Variants in SETX observed in about 807,000 individuals in gnomAD.
The protein encoded by SETX is helicase senataxin.
A neutral mutation model predicts 227.2 loss-of-function variants in SETX; 90 were observed. The ratio of observed to expected loss-of-function variants is 0.40; its 90% CI spans 0.33 to 0.47. The LOEUF (loss-of-function observed/expected upper bound fraction) is 0.47. Ranked by LOEUF, SETX falls within the 20% of genes least tolerant of loss-of-function variation. The pLI is 0.91. For missense variants in SETX, 3,052 were observed against 3,181.5 expected, an observed-to-expected ratio of 0.96 and a Z score of 0.98; for synonymous variants, 1,210 against 1,113.2, an observed-to-expected ratio of 1.09 and a Z score of -1.73.
chr9:132,266,479 C>T (rs1020614302), intron 25 of SETX, among the ~76,000 whole-genome samples: 44 of 152,044 alleles, frequency 2.9e-4, no homozygotes, highest in African/African-American at 9.9e-4. Flanking sequence ...AGCATTAAAA[C>T]TTATGCACTG....
At chr9:132,345,360 G>A (rs752602551) in intron 4 of SETX, among the ~76,000 whole-genome samples, 2 of 152,166 alleles carry the variant, frequency 1.3e-5, no homozygotes, top group Non-Finnish European at 1.5e-5. Flanking sequence ...TGCAACCTCC[G>A]CCTTCCAGGT....
intron 10 of SETX, among the ~76,000 whole-genome samples, chr9:132,313,476 T>C (rs1845789447): frequency 6.6e-6 from 1 of 152,166 alleles, no homozygotes; most frequent in African/African-American, 2.4e-5. Context: ...CAAGCTACAA[T>C]GACCGATTAA....
chr9:132,331,599 C>T, intron 7 of SETX, 151 bp from the exon 8 acceptor site: 1 of 782,246 alleles, frequency 1.3e-6, no homozygotes, highest in East Asian at 2.7e-5. Flanking sequence ...GCCACCAGTC[C>T]TCAGACACAC....
At chr9:132,349,999 G>A (rs1169672337) in intron 2 of SETX, among the ~76,000 whole-genome samples, 1 of 152,104 alleles carries the variant, frequency 6.6e-6, no homozygotes, top group East Asian at 1.9e-4. Context: ...CACAGGAGAG[G>A]CAGTTTTTAA....
intron 10 of SETX, among the ~76,000 whole-genome samples, chr9:132,325,155 G>A (rs1215577199): frequency 6.6e-6 from 1 of 151,968 alleles, no homozygotes; most frequent in Non-Finnish European, 1.5e-5. Context: ...AGGAGATTGA[G>A]ACCATCCTGG....
chr9:132,280,853 A>T (rs1843460349), intron 20 of SETX, among the ~76,000 whole-genome samples: 1 of 152,158 alleles, frequency 6.6e-6, no homozygotes, highest in Admixed American at 6.5e-5. Context: ...ACCAACAGAG[A>T]AGAGTAGACT....
intron 19 of SETX, chr9:132,283,048 T>C: frequency 1.7e-6 from 1 of 579,206 alleles, no homozygotes; most frequent in Non-Finnish European, 3.1e-6. Context: ...CCATCAGTCA[T>C]CCTCAAGACT....
intron 5 of SETX, among the ~76,000 whole-genome samples, chr9:132,340,753 T>C (rs1195733405): frequency 6.6e-6 from 1 of 152,238 alleles, no homozygotes; most frequent in Admixed American, 6.5e-5. Context: ...TTATCCACTG[T>C]GCTGATTTCA....
At chr9:132,277,941 G>A (rs1843259354) in intron 21 of SETX, 129 bp downstream of exon 21, 2 of 931,606 alleles carry the variant, frequency 2.1e-6, no homozygotes, top group Non-Finnish European at 3.3e-6. Flanking sequence ...TATTATAACA[G>A]GACAAAATTA....
chr9:132,277,434 AC>A (rs1479310870), intron 21 of SETX, among the ~76,000 whole-genome samples: 7 of 152,212 alleles, frequency 4.6e-5, no homozygotes, highest in African/African-American at 1.7e-4. Flanking sequence ...GTATGGTCCC[AC>A]ATTTTTCCTT....
At chr9:132,336,834 C>T (rs1332681601) in intron 5 of SETX, among the ~76,000 whole-genome samples, 1 of 152,144 alleles carries the variant, frequency 6.6e-6, no homozygotes, top group Non-Finnish European at 1.5e-5. Flanking sequence ...GAGGCTGAGG[C>T]GGGCAGATCA....
At chr9:132,353,279 G>C (rs1239886926) in intron 2 of SETX, among the ~76,000 whole-genome samples, 1 of 151,992 alleles carries the variant, frequency 6.6e-6, no homozygotes, top group Non-Finnish European at 1.5e-5. Context: ...GGTATTCCCT[G>C]CCTTTATGGA....
intron 25 of SETX, among the ~76,000 whole-genome samples, chr9:132,267,020 G>A (rs963035702): frequency 1.3e-5 from 2 of 152,156 alleles, no homozygotes; most frequent in Non-Finnish European, 2.9e-5. Context: ...TAAGAATATG[G>A]TAAAAATCTG....
chr9:132,348,217 G>A (rs1291013675), intron 3 of SETX, among the ~76,000 whole-genome samples: 1 of 151,330 alleles, frequency 6.6e-6, no homozygotes, highest in African/African-American at 2.4e-5. Context: ...AAATTAGCCG[G>A]GTGTGGTGGC....
intron 11 of SETX, among the ~76,000 whole-genome samples, chr9:132,302,660 C>CAAAAAAAA (rs35647306): frequency 3.0e-5 from 1 of 33,302 alleles, no homozygotes; most frequent in Non-Finnish European, 6.6e-5. Context: ...GACTTTGTCT[C>CAAAAAAAA]AAAAAAAAAA....
Position 132,264,013 on chromosome 9 carries a change from G to C in SETX, c.*226C>G, listed in dbSNP as rs931016760. ...TAAGAGATCAACATTTCCAGTCTCTGACTTCAAGGACATTATTACGGATAC... is the reference window on the plus strand; with the variant it reads ...TAAGAGATCAACATTTCCAGTCTCTCACTTCAAGGACATTATTACGGATAC... On this transcript the variant is annotated 3_prime_UTR_variant, in exon 26 of 26. Transcript: ENST00000224140. 1.8e-5 allele frequency: 11 copies of C among 595,152 alleles called. No individual in the cohort carries two copies. In the African/African-American group the frequency reaches 1.9e-4, roughly 10 times the overall value. The allele number at this position is 595,152 out of a possible 1,614,324, so 36.9% of individuals were successfully genotyped here. A position where few individuals can be genotyped will look rare whatever the true frequency, so the allele number is the denominator to read the frequency against.
chr9:132,332,471 A>C (rs1475126070), intron 7 of SETX, among the ~76,000 whole-genome samples: 2 of 152,232 alleles, frequency 1.3e-5, no homozygotes, highest in Non-Finnish European at 2.9e-5. Context: ...TACTTCCCTC[A>C]TACTTCTCAG....
At chr9:132,293,229 C>G (rs1844448007) in intron 15 of SETX, among the ~76,000 whole-genome samples, 1 of 152,046 alleles carries the variant, frequency 6.6e-6, no homozygotes, top group Non-Finnish European at 1.5e-5. Context: ...CCATTCATAA[C>G]AAAAACACTA....
intron 23 of SETX, 82 bp from the exon 24 acceptor site, chr9:132,271,890 T>TTG (rs1842922679): frequency 8.1e-7 from 1 of 1,241,172 alleles, no homozygotes; most frequent in African/African-American, 1.5e-5. Flanking sequence ...GTTTTTTGGT[T>TTG]TTTTTTTTTT....
Sources: gnomAD v4.1 joint callset for allele counts (sites outside exome capture counted in the v4.1 genomes callset) on GRCh38, gnomAD v4.1.1 for gene constraint, MANE v1.5 for transcripts, NCBI Gene and HGNC (gene_info 2026-07-23, HGNC 2026-07-21) for gene names.